The following CDC14A variants were observed in gnomAD, a reference collection of about 807,000 sequenced individuals.
CDC14A encodes the protein dual specificity protein phosphatase CDC14A.
Under a neutral mutation model 74.4 loss-of-function variants are expected in CDC14A, and 53 were observed. That is an observed-to-expected ratio of 0.71 (90% CI 0.57 to 0.89). CDC14A has a LOEUF of 0.89. Ranked by LOEUF, CDC14A falls within the 40% of genes least tolerant of loss-of-function variation. CDC14A has a pLI of 0.00. For missense variants in CDC14A, 646 were observed against 713.7 expected, an observed-to-expected ratio of 0.91 and a Z score of 1.08; for synonymous variants, 247 against 258.4, an observed-to-expected ratio of 0.96 and a Z score of 0.43.
chr1:100,396,438 A>G (rs1465320110), intron 4 of CDC14A, among the ~76,000 whole-genome samples: 5 of 152,360 alleles, frequency 3.3e-5, no homozygotes, highest in African/African-American at 1.2e-4. Context: ...TGGGATGACA[A>G]AACATGAAAG....
upstream of CDC14A, chr1:100,352,489 G>A (rs1651192858): frequency 4.9e-6 from 5 of 1,029,882 alleles, no homozygotes; most frequent in African/African-American, 7.0e-5. Flanking sequence ...GAAAGGAGGT[G>A]GCGAAGGAGG....
At chr1:100,485,296 A>G in intron 11 of CDC14A, 1 of 985,280 alleles carries the variant, frequency 1.0e-6, no homozygotes, top group Non-Finnish European at 1.2e-6. Flanking sequence ...TTCAATTCCT[A>G]GTTTAGGTCT....
At chr1:100,412,881 G>A (rs1661057846) in intron 4 of CDC14A, among the ~76,000 whole-genome samples, 1 of 147,602 alleles carries the variant, frequency 6.8e-6, no homozygotes, top group African/African-American at 2.6e-5. Flanking sequence ...GTAAGCTAAA[G>A]TATGTAGGGA....
At chr1:100,482,741 T>C (rs1262551332) in intron 10 of CDC14A, among the ~76,000 whole-genome samples, 2 of 152,000 alleles carry the variant, frequency 1.3e-5, no homozygotes, top group African/African-American at 4.8e-5. Context: ...TTTTTTAAAA[T>C]CATGATTTTT....
chr1:100,356,745 T>C (rs1365934944), intron 2 of CDC14A, among the ~76,000 whole-genome samples: 1 of 151,360 alleles, frequency 6.6e-6, no homozygotes, highest in Non-Finnish European at 1.5e-5. Context: ...TCCCAGCTAC[T>C]TGGGAGGCTG....
intron 4 of CDC14A, among the ~76,000 whole-genome samples, chr1:100,397,969 G>A (rs1373164150): frequency 6.6e-6 from 1 of 152,214 alleles, no homozygotes; most frequent in African/African-American, 2.4e-5. Context: ...TTGCAAAGAA[G>A]CCATTCTCCA....
chr1:100,353,695 CA>C (rs1172107990), intron 1 of CDC14A, 66 bp from the exon 2 acceptor site: 1 of 787,266 alleles, frequency 1.3e-6, no homozygotes, highest in Non-Finnish European at 2.2e-6. Flanking sequence ...CGTATGTTAC[CA>C]CCCACCTTCA....
chr1:100,467,561 T>C (rs1436217276), intron 9 of CDC14A, among the ~76,000 whole-genome samples: 2 of 152,142 alleles, frequency 1.3e-5, no homozygotes, highest in Non-Finnish European at 2.9e-5. Context: ...GGATTTCTAA[T>C]TGAGCTTTAC....
intron 4 of CDC14A, among the ~76,000 whole-genome samples, chr1:100,399,950 A>G (rs543595000): frequency 6.6e-6 from 1 of 152,270 alleles, no homozygotes; most frequent in African/African-American, 2.4e-5. Flanking sequence ...AAGTTTCTGT[A>G]AAAAATTAGG....
intron 2 of CDC14A, among the ~76,000 whole-genome samples, chr1:100,364,633 A>G (rs981861356): frequency 2.0e-4 from 31 of 152,214 alleles, no homozygotes; most frequent in African/African-American, 7.0e-4. Flanking sequence ...GTTTTCTAAC[A>G]AAGCTTTGCA....
intron 4 of CDC14A, among the ~76,000 whole-genome samples, chr1:100,420,063 C>CACACACACATATAT: frequency 5.4e-4 from 33 of 61,590 alleles, no homozygotes; most frequent in African/African-American, 1.3e-3. Context: ...CACACACACA[C>CACACACACATATAT]ATATATATAT....
chr1:100,494,644 CA>C (rs999157059), intron 11 of CDC14A, among the ~76,000 whole-genome samples, 173 bp from the exon 12 acceptor site: 82 of 152,244 alleles, frequency 5.4e-4, no homozygotes, highest in Non-Finnish European at 2.2e-4. Context: ...GTTGAACTGG[CA>C]AATAGTTGAG....
In CDC14A at chr1:100,489,180, C is replaced by T. The variant is rs60830028; in HGVS notation, c.1137+4729C>T. ...CAGCACTTACATCTCATAGGTTCAA[C>T]ATCTGAGAGCTGAAAAGAACTCTAG... On this transcript the variant is annotated intron_variant, in intron 11 of 15. Transcript: ENST00000336454. Among the ~76,000 whole-genome samples the T allele has an allele frequency of 6.6e-3, 1,002 of 152,332 alleles. 9 individuals carry two copies. Among genetic ancestry groups the T allele is most frequent in the African/African-American group, 0.023 (963 of 41,556 alleles).
At chr1:100,458,426 T>C (rs774995441) in intron 8 of CDC14A, among the ~76,000 whole-genome samples, 15 of 152,210 alleles carry the variant, frequency 9.9e-5, no homozygotes, top group Non-Finnish European at 1.5e-4. Flanking sequence ...TTGTGCCCTG[T>C]CATATTGACA....
At position 100,431,472 on chromosome 1, in the gene CDC14A, T is replaced by C. The variant is rs563290246; in HGVS notation, c.389+7171T>C. Among the ~76,000 whole-genome samples the C allele has an allele frequency of 2.6e-5, 4 of 152,230 alleles. 1 individual carries two copies. The South Asian group carries it at 8.3e-4, about 32-fold the overall frequency. ...TTTACCTTAATGAACATAGTAATAG[T>C]TATTATTTTGTTGAATGTTATGAAA... On this transcript the variant is annotated intron_variant, in intron 5 of 15. Coordinates refer to ENST00000336454, the MANE Select transcript of CDC14A (RefSeq NM_003672.4).
Position 100,454,286 on chromosome 1 carries a change from G to A in CDC14A, c.520-1119G>A, listed in dbSNP as rs147300809. Among the ~76,000 whole-genome samples, 639 of 152,130 alleles carry A rather than the reference G, an allele frequency of 4.2e-3. 4 individuals are homozygous for A. The highest frequency in any genetic ancestry group is 0.015 in the African/African-American group (604 of 41,504). Reference sequence around the variant, plus strand: ...GAAAGCTTTTTATATGGATGGTAACGGATGGCCCAGTGAAGAGAACAACAT... The same window carrying A: ...GAAAGCTTTTTATATGGATGGTAACAGATGGCCCAGTGAAGAGAACAACAT... On this transcript the variant is annotated intron_variant, in intron 7 of 15. Coordinates refer to ENST00000336454, the MANE Select transcript of CDC14A (RefSeq NM_003672.4).
chr1:100,390,706 T>G, intron 3 of CDC14A, 26 bp from the exon 4 acceptor site: 13 of 1,445,314 alleles, frequency 9.0e-6, no homozygotes, highest in Non-Finnish European at 1.2e-5. Flanking sequence ...ATGGTTACAC[T>G]AACTCTTTTT....
chr1:100,494,107 C>T (rs1046631739), intron 11 of CDC14A, among the ~76,000 whole-genome samples: 1 of 152,180 alleles, frequency 6.6e-6, no homozygotes, highest in Non-Finnish European at 1.5e-5. Flanking sequence ...ACACAAAGGT[C>T]ATTAAGAGCT....
At chr1:100,489,392 C>G (rs935272905) in intron 11 of CDC14A, among the ~76,000 whole-genome samples, 5 of 152,118 alleles carry the variant, frequency 3.3e-5, no homozygotes, top group Non-Finnish European at 7.4e-5. Flanking sequence ...TCTCATAGAT[C>G]TTTTCTTAAT....
Sources: allele counts gnomAD v4.1 joint callset (sites outside exome capture counted in the v4.1 genomes callset), GRCh38; gene constraint gnomAD v4.1.1; transcripts MANE v1.5; gene names NCBI Gene and HGNC (gene_info 2026-07-23, HGNC 2026-07-21).